LINGO2: variants seen among roughly 807,000 people sequenced by gnomAD.
LINGO2 encodes the protein leucine-rich repeat and immunoglobulin-like domain-containing nogo receptor-interacting protein 2.
A neutral mutation model predicts 30.6 loss-of-function variants in LINGO2; 14 were observed. The observed-to-expected ratio is 0.46, with a 90% CI of 0.30 to 0.72. The LOEUF is 0.72. Ranked by LOEUF, LINGO2 falls within the 30% of genes least tolerant of loss-of-function variation. The probability of loss-of-function intolerance (pLI) is 0.07; values close to 1 mark genes in which losing one functional copy is unlikely to be tolerated. For missense variants in LINGO2, 729 were observed against 751.7 expected (o/e 0.97, Z 0.35); for synonymous variants, 317 against 288.5 (o/e 1.10, Z -1.00).
At chr9:28,840,763 T>A in the LINGO2 span, among the ~76,000 whole-genome samples, 4,214 of 152,070 alleles carry the variant, frequency 0.028, 95 homozygotes, top group Middle Eastern at 0.058. Flanking sequence ...AAGTTACCTT[T>A]AACTAAGGTT....
the LINGO2 span, among the ~76,000 whole-genome samples, chr9:28,807,101 T>C: frequency 6.6e-6 from 1 of 152,040 alleles, no homozygotes; most frequent in Non-Finnish European, 1.5e-5. Context: ...TTCAGCTCAC[T>C]GCAAGCTCCG....
chr9:28,784,200 T>C, the LINGO2 span, among the ~76,000 whole-genome samples: 1 of 152,188 alleles, frequency 6.6e-6, no homozygotes, highest in African/African-American at 2.4e-5. Context: ...TAAGGAGAGA[T>C]TGGTGTGTGT....
chr9:28,968,016 T>C, the LINGO2 span, among the ~76,000 whole-genome samples: 4 of 152,180 alleles, frequency 2.6e-5, no homozygotes, highest in Non-Finnish European at 5.9e-5. Context: ...AAATTGAACA[T>C]TGGATTGAAC....
intron 3 of LINGO2, among the ~76,000 whole-genome samples, chr9:28,344,713 C>CA (rs1016463580): frequency 6.7e-6 from 1 of 148,996 alleles, no homozygotes. Context: ...TATCCACTCT[C>CA]AAAAAGAAAA....
rs10671360 is a variant in LINGO2, at chr9:27,990,462, A to ACCCC, written c.-36+21889_-36+21892dup. On this transcript the variant is annotated intron_variant, in intron 5 of 5. Transcript: ENST00000379992. ...AAAGCATCACTTCAGTGGTCTCAAT[A>ACCCC]CCCCCCCCCCTTTTATTTTTAACTT... Among the ~76,000 whole-genome samples, 139 of 118,002 alleles carry ACCCC rather than the reference A, an allele frequency of 1.2e-3. 1 individual carries two copies. The highest frequency in any genetic ancestry group is 8.8e-3 in the Middle Eastern group (2 of 226). The allele number at this position is 118,002 out of a possible 152,430, so 77.4% of individuals were successfully genotyped here. A position where few individuals can be genotyped will look rare whatever the true frequency, so the allele number is the denominator to read the frequency against.
intron 4 of LINGO2, among the ~76,000 whole-genome samples, chr9:28,099,120 G>C (rs527582422): frequency 6.6e-6 from 1 of 152,062 alleles, no homozygotes; most frequent in East Asian, 1.9e-4. Context: ...AGTATTACTA[G>C]TTAAATTAAC....
intron 1 of LINGO2, among the ~76,000 whole-genome samples, chr9:28,529,189 G>A (rs1587810995): frequency 6.6e-6 from 1 of 152,004 alleles, no homozygotes; most frequent in East Asian, 1.9e-4. Flanking sequence ...GCAGAGTTAT[G>A]GGAAAGTGAA....
intron 1 of LINGO2, among the ~76,000 whole-genome samples, chr9:28,661,285 C>T (rs1563899819): frequency 6.6e-6 from 1 of 152,084 alleles, no homozygotes; most frequent in Non-Finnish European, 1.5e-5. Context: ...ATATGTGACC[C>T]AGTCACTCCT....
the LINGO2 span, among the ~76,000 whole-genome samples, chr9:29,161,729 A>G: frequency 2.0e-5 from 3 of 152,218 alleles, no homozygotes; most frequent in Non-Finnish European, 2.9e-5. Flanking sequence ...GGTGAAGGAT[A>G]CTAATCATAG....
the LINGO2 span, among the ~76,000 whole-genome samples, chr9:29,034,023 A>G: frequency 6.6e-6 from 1 of 151,988 alleles, no homozygotes; most frequent in Non-Finnish European, 1.5e-5. Flanking sequence ...TGGAGGTTGC[A>G]GTGAGCTCAG....
At chr9:28,435,980 A>G (rs922251534) in intron 2 of LINGO2, among the ~76,000 whole-genome samples, 12 of 152,302 alleles carry the variant, frequency 7.9e-5, no homozygotes, top group African/African-American at 2.9e-4. Flanking sequence ...TTTCATTTTC[A>G]GTGTTTCTAT....
intron 5 of LINGO2, among the ~76,000 whole-genome samples, chr9:27,983,326 T>G (rs955052709): frequency 1.3e-5 from 2 of 151,798 alleles, no homozygotes; most frequent in African/African-American, 4.8e-5. Flanking sequence ...ATACACAGAC[T>G]GGAAGTTCTC....
chr9:29,163,875 C>T, the LINGO2 span, among the ~76,000 whole-genome samples: 1 of 152,084 alleles, frequency 6.6e-6, no homozygotes, highest in South Asian at 2.1e-4. Flanking sequence ...TACTCTAGAA[C>T]CCTGTTAACT....
At chr9:28,694,603 A>G in the LINGO2 span, among the ~76,000 whole-genome samples, 1 of 152,012 alleles carries the variant, frequency 6.6e-6, no homozygotes, top group African/African-American at 2.4e-5. Context: ...TGAGGTAGAT[A>G]ATGCTATTAT....
chr9:28,450,342 A>G (rs977961825), intron 2 of LINGO2, among the ~76,000 whole-genome samples: 5 of 152,076 alleles, frequency 3.3e-5, no homozygotes, highest in African/African-American at 1.2e-4. Flanking sequence ...AAGTCTGAGT[A>G]TAAGTGCTTT....
At chr9:28,100,179 G>A (rs1826368009) in intron 4 of LINGO2, among the ~76,000 whole-genome samples, 1 of 152,110 alleles carries the variant, frequency 6.6e-6, no homozygotes, top group East Asian at 1.9e-4. Context: ...TATATTGGAA[G>A]TTCAAAATTA....
intron 2 of LINGO2, among the ~76,000 whole-genome samples, chr9:28,374,210 T>TATATATATATA (rs1554713024): frequency 7.7e-6 from 1 of 130,568 alleles, no homozygotes; most frequent in Non-Finnish European, 1.7e-5. Flanking sequence ...ATGTTTTTAT[T>TATATATATATA]TATATATATA....
the LINGO2 span, among the ~76,000 whole-genome samples, chr9:28,740,118 T>A: frequency 2.0e-5 from 3 of 150,796 alleles, no homozygotes; most frequent in Non-Finnish European, 4.4e-5. Context: ...TGCGTGATCT[T>A]AATATTTTAA....
intron 1 of LINGO2, among the ~76,000 whole-genome samples, chr9:28,571,791 T>A (rs1310976622): frequency 6.6e-6 from 1 of 151,962 alleles, no homozygotes; most frequent in Non-Finnish European, 1.5e-5. Context: ...GTTCTATATG[T>A]TGAGAATACA....
Sources: gnomAD v4.1 joint callset for allele counts (sites outside exome capture counted in the v4.1 genomes callset) on GRCh38, gnomAD v4.1.1 for gene constraint, MANE v1.5 for transcripts, NCBI Gene and HGNC (gene_info 2026-07-23, HGNC 2026-07-21) for gene names.